The following CCM2 variants were observed in gnomAD, a reference collection of about 807,000 sequenced individuals.
The protein encoded by CCM2 is cerebral cavernous malformations 2 protein.
In CCM2, 25 loss-of-function variants were observed where a neutral mutation model predicts 44.9. The observed-to-expected ratio is 0.56, with a 90% CI of 0.41 to 0.78. The LOEUF (loss-of-function observed/expected upper bound fraction) is 0.78. Ranked by LOEUF, CCM2 falls within the 30% of genes least tolerant of loss-of-function variation. The pLI is 0.00. For synonymous variants in CCM2, 219 were observed against 241.1 expected (o/e 0.91, Z 0.85); for missense variants, 481 against 580.6 (o/e 0.83, Z 1.76).
intron 1 of CCM2, chr7:45,027,385 C>T (rs542208841): frequency 6.9e-6 from 3 of 436,910 alleles, no homozygotes; most frequent in Admixed American, 3.5e-5. Flanking sequence ...GAATGGTGGA[C>T]TTTGAAATTA....
At chr7:45,027,781 A>G (rs1240077833) in intron 1 of CCM2, 2 of 1,614,188 alleles carry the variant, frequency 1.2e-6, no homozygotes, top group East Asian at 2.2e-5. Context: ...CACACAGGGT[A>G]TTCCATGGAG....
intron 5 of CCM2, 143 bp downstream of exon 5, chr7:45,068,722 T>C (rs1798908955): frequency 1.9e-6 from 2 of 1,063,056 alleles, no homozygotes. Context: ...TGTCCCTGCC[T>C]CACCCTAGTC....
intron 1 of CCM2, among the ~76,000 whole-genome samples, chr7:45,007,210 TGTATG>T (rs1410364685): frequency 6.6e-6 from 1 of 152,120 alleles, no homozygotes; most frequent in Non-Finnish European, 1.5e-5. Context: ...TGGGAGAACA[TGTATG>T]GTGTTTTGGG....
chr7:45,051,214 C>A (rs2069478243), intron 2 of CCM2, among the ~76,000 whole-genome samples: 1 of 152,268 alleles, frequency 6.6e-6, no homozygotes, highest in Admixed American at 6.5e-5. Context: ...ACAGCCCTGA[C>A]TACTTCAGTG....
chr7:45,044,743 A>C (rs1037150097), intron 2 of CCM2, among the ~76,000 whole-genome samples: 10 of 152,194 alleles, frequency 6.6e-5, no homozygotes, highest in South Asian at 2.1e-4. Context: ...TCATATGGCA[A>C]ATTACTATGG....
At chr7:45,036,114 T>C (rs1450697586) in intron 1 of CCM2, among the ~76,000 whole-genome samples, 1 of 152,160 alleles carries the variant, frequency 6.6e-6, no homozygotes, top group Non-Finnish European at 1.5e-5. Context: ...GAGGAACATC[T>C]ATCTTTACTG....
chr7:45,016,852 C>CT (rs1476423608), intron 1 of CCM2, among the ~76,000 whole-genome samples: 2 of 152,172 alleles, frequency 1.3e-5, no homozygotes, highest in Non-Finnish European at 1.5e-5. Flanking sequence ...AGGCTGATCT[C>CT]TAACTCCTGG....
At chr7:45,028,638 CAG>C (rs1349345908) in intron 1 of CCM2, among the ~76,000 whole-genome samples, 1 of 151,962 alleles carries the variant, frequency 6.6e-6, no homozygotes, top group Non-Finnish European at 1.5e-5. Context: ...GCCTGGGTGA[CAG>C]AGTGAAACTC....
At chr7:45,036,477 C>T (rs980987784) in intron 1 of CCM2, among the ~76,000 whole-genome samples, 1 of 152,074 alleles carries the variant, frequency 6.6e-6, no homozygotes, top group Non-Finnish European at 1.5e-5. Flanking sequence ...TTTACTTTTC[C>T]CGCTAATGCT....
At chr7:45,044,869 T>C (rs972419369) in intron 2 of CCM2, among the ~76,000 whole-genome samples, 7 of 152,314 alleles carry the variant, frequency 4.6e-5, no homozygotes, top group African/African-American at 1.7e-4. Flanking sequence ...ATAATATGAT[T>C]TTTAATTCAA....
chr7:45,053,981 T>C (rs1334708399), intron 2 of CCM2, among the ~76,000 whole-genome samples: 2 of 152,156 alleles, frequency 1.3e-5, no homozygotes, highest in African/African-American at 2.4e-5. Flanking sequence ...TATCTGAGAA[T>C]GGCCTCTGGA....
At chr7:45,058,851 A>T (rs1275273620) in intron 2 of CCM2, among the ~76,000 whole-genome samples, 1 of 151,754 alleles carries the variant, frequency 6.6e-6, no homozygotes, top group Non-Finnish European at 1.5e-5. Flanking sequence ...ATCTTGCCTC[A>T]GCCTCCTGAG....
At position 45,024,226 on chromosome 7, in the gene CCM2, C is replaced by T. The variant is rs116424221; in HGVS notation, c.31-14027C>T. 8.0e-3 allele frequency among the ~76,000 whole-genome samples: 1,211 copies of T among 152,240 alleles called. 16 individuals carry two copies. Among genetic ancestry groups the T allele is most frequent in the African/African-American group, 0.027 (1,137 of 41,524 alleles). ...AGTCTCTTCAGCTGATTATAATGTT[C>T]AGGAAAGACTCTTCAGCTGATAATA... On this transcript the variant is annotated intron_variant, in intron 1 of 9. Transcript: ENST00000258781.
intron 6 of CCM2, chr7:45,071,858 T>C (rs1259615132): frequency 2.2e-6 from 1 of 456,702 alleles, no homozygotes; most frequent in East Asian, 6.9e-5. Flanking sequence ...TCCAGGGTCA[T>C]CTCCCTATTT....
At chr7:45,026,454 T>C in intron 1 of CCM2, among the ~76,000 whole-genome samples, 1 of 152,184 alleles carries the variant, frequency 6.6e-6, no homozygotes, top group East Asian at 1.9e-4. Flanking sequence ...GTTAATGAAA[T>C]AGAATTGTAT....
chr7:45,005,848 G>T (rs1264570843), intron 1 of CCM2, among the ~76,000 whole-genome samples: 1 of 152,240 alleles, frequency 6.6e-6, no homozygotes, highest in Non-Finnish European at 1.5e-5. Flanking sequence ...ACTGTGTCCT[G>T]CAGTTCAGAA....
chr7:45,003,119 A>C (rs1023838318), intron 1 of CCM2, among the ~76,000 whole-genome samples: 1 of 152,110 alleles, frequency 6.6e-6, no homozygotes, highest in Non-Finnish European at 1.5e-5. Context: ...CTTGTTGCCC[A>C]GGCTGGAGTG....
chr7:45,061,936 T>C (rs777927090), intron 2 of CCM2, among the ~76,000 whole-genome samples: 7 of 152,196 alleles, frequency 4.6e-5, no homozygotes, highest in Non-Finnish European at 1.0e-4. Flanking sequence ...CCCTGGAGTT[T>C]TTGTCTCCTA....
intron 1 of CCM2, among the ~76,000 whole-genome samples, chr7:45,028,684 C>T (rs931773511): frequency 3.3e-5 from 5 of 151,760 alleles, no homozygotes; most frequent in African/African-American, 4.8e-5. Flanking sequence ...AGAAATTAGC[C>T]GTGTCCTGAG....
Sources: allele counts gnomAD v4.1 joint callset (sites outside exome capture counted in the v4.1 genomes callset), GRCh38; gene constraint gnomAD v4.1.1; transcripts MANE v1.5; gene names NCBI Gene and HGNC (gene_info 2026-07-23, HGNC 2026-07-21).